The following PTPRB variants were observed in gnomAD, a reference collection of about 807,000 sequenced individuals.
The protein encoded by PTPRB is protein tyrosine phosphatase receptor type B.
PTPRB carries 97 observed loss-of-function variants against 238.1 expected under a neutral mutation model. The observed-to-expected ratio is 0.41, with a 90% CI of 0.35 to 0.48. PTPRB has a LOEUF of 0.48. Among genes scored for constraint, PTPRB ranks in the 20% least tolerant of loss-of-function variants. The pLI is 0.30. For synonymous variants in PTPRB, 970 were observed against 995.4 expected, an observed-to-expected ratio of 0.97 and a Z score of 0.48; for missense variants, 2,292 against 2,681.9, an observed-to-expected ratio of 0.85 and a Z score of 3.21.
rs1232649589 is a variant in PTPRB at position 70,562,901 on chromosome 12, C to T, written c.4111G>A (p.Val1371Met). The T allele has an allele frequency of 6.2e-7, 1 of 1,614,010 alleles. No individual in the cohort carries two copies. Among genetic ancestry groups the T allele is most frequent in the Admixed American group, 1.7e-5 (1 of 60,018 alleles). The change falls in exon 16 of 34, where the codon GTG becomes ATG. Residue 1371 changes from valine (V) to methionine (M), a missense_variant. This residue lies in a region of PTPRB where 683 missense variants were observed against 862.0 expected (regional missense o/e 0.79). Transcript: ENST00000334414. Reference sequence around the variant, plus strand: ...AGCTCCCCACTGTGAGTTACAATCACCATCTTGTACATTCTGCCTTGTAGC... The same window carrying T: ...AGCTCCCCACTGTGAGTTACAATCATCATCTTGTACATTCTGCCTTGTAGC... ...NLLQGRMYKMVIVTHSGELSN... is the reference protein window; with the variant it reads ...NLLQGRMYKMMIVTHSGELSN...
Position 70,515,925 on chromosome 12 carries a change from A to G in PTPRB, c.*5564T>C, listed in dbSNP as rs1229502742. The G allele has an allele frequency of 1.2e-5, 1 of 86,696 alleles. No homozygotes were observed. The highest frequency in any genetic ancestry group is 2.2e-5 in the Non-Finnish European group (1 of 45,392). 5.4% of individuals were successfully genotyped at this position (86,696 alleles called of 1,614,324 possible). On this transcript the variant is annotated 3_prime_UTR_variant, in exon 34 of 34. Coordinates refer to ENST00000334414, the MANE Select transcript of PTPRB (RefSeq NM_001109754.4). ...AGTGAGAATGTATGCAAGATGCTAT[A>G]TAGATTTTTTTTTTACCACAGTTAC...
At position 70,596,236 on chromosome 12, in the gene PTPRB, G is replaced by A; in HGVS notation, c.1071C>T (p.Val357=). The A allele has an allele frequency of 1.2e-6, 2 of 1,613,350 alleles. No individual in the cohort carries two copies. Residue 357 remains valine (V), a synonymous_variant, in exon 5 of 34, where the codon GTC becomes GTT. Coordinates refer to ENST00000334414, the MANE Select transcript of PTPRB (RefSeq NM_001109754.4). The stretch of plus-strand genomic sequence containing the variant: ...CAAATAATTGCACCTCATATGAGGT[G>A]ACTTTTCCGGAAGAAGGAGTCCACC... ...HVWWTPSSGK[V]TSYEVQLFDE...
At chr12:70,570,439 T>C (rs561561194) in intron 13 of PTPRB, among the ~76,000 whole-genome samples, 1 of 152,232 alleles carries the variant, frequency 6.6e-6, no homozygotes, top group South Asian at 2.1e-4. Flanking sequence ...CTATACCTCC[T>C]GGGCTCAAGT....
chr12:70,607,749 T>G (rs1884080221), intron 4 of PTPRB, among the ~76,000 whole-genome samples: 1 of 151,894 alleles, frequency 6.6e-6, no homozygotes, highest in African/African-American at 2.4e-5. Context: ...GACGAGGTTT[T>G]GCCATGTTGA....
At chr12:70,545,934 C>G (rs541712840) in intron 21 of PTPRB, among the ~76,000 whole-genome samples, 1 of 152,108 alleles carries the variant, frequency 6.6e-6, no homozygotes, top group Non-Finnish European at 1.5e-5. Context: ...GTCAGGAGTT[C>G]GAGATCAGCC....
chr12:70,547,269 CT>C (rs1460718928), intron 21 of PTPRB, among the ~76,000 whole-genome samples: 9 of 152,094 alleles, frequency 5.9e-5, no homozygotes, highest in African/African-American at 2.2e-4. Flanking sequence ...GAATAACAGC[CT>C]GTTAATGGAA....
At chr12:70,571,422 C>A in intron 12 of PTPRB, 133 bp from the exon 13 acceptor site, 2 of 891,888 alleles carry the variant, frequency 2.2e-6, no homozygotes, top group Middle Eastern at 2.3e-4. Context: ...CTACTTCATG[C>A]ATAATTAAAC....
At chr12:70,554,538 A>G (rs1484447547) in intron 20 of PTPRB, among the ~76,000 whole-genome samples, 1 of 152,256 alleles carries the variant, frequency 6.6e-6, no homozygotes, top group Non-Finnish European at 1.5e-5. Flanking sequence ...TGTGATAACT[A>G]TTCCCTAGAC....
intron 22 of PTPRB, among the ~76,000 whole-genome samples, chr12:70,543,387 C>T (rs1875474635): frequency 6.6e-6 from 1 of 152,178 alleles, no homozygotes; most frequent in African/African-American, 2.4e-5. Context: ...TATACGTTTA[C>T]TGTCTTCCTG....
intron 2 of PTPRB, among the ~76,000 whole-genome samples, chr12:70,626,439 G>T (rs1394707769): frequency 1.4e-5 from 2 of 147,322 alleles, no homozygotes; most frequent in Non-Finnish European, 3.0e-5. Flanking sequence ...TATCTAGTTG[G>T]CTCTTTGTAT....
At chr12:70,619,917 T>C (rs1288691580) in intron 3 of PTPRB, among the ~76,000 whole-genome samples, 1 of 152,198 alleles carries the variant, frequency 6.6e-6, no homozygotes, top group Non-Finnish European at 1.5e-5. Context: ...CATTTTTACT[T>C]TTCAAAGTAT....
At position 70,571,894 on chromosome 12, in the gene PTPRB, C is replaced by T. The variant is rs1388290496; in HGVS notation, c.3036G>A (p.Arg1012=). 1.9e-6 allele frequency: 3 copies of T among 1,613,716 alleles called. No homozygotes were observed. The highest frequency in any genetic ancestry group is 2.7e-5 in the African/African-American group (2 of 74,938). Residue 1012 remains arginine, a synonymous_variant, in exon 12 of 34, where the codon CGG becomes CGA. Coordinates refer to ENST00000334414, the MANE Select transcript of PTPRB (RefSeq NM_001109754.4). ...ECVFVQLVPG[R]LYSVTVTTKS... ...TTGTAGTAACAGTGACACTGTACAA[C>T]CGTCCAGGGACTAGCTGAACAAATA...
intron 18 of PTPRB, among the ~76,000 whole-genome samples, chr12:70,558,451 G>C (rs957972506): frequency 6.6e-6 from 1 of 152,112 alleles, no homozygotes; most frequent in African/African-American, 2.4e-5. Flanking sequence ...ATAACTATCT[G>C]ATCTGATCCC....
intron 23 of PTPRB, 177 bp downstream of exon 23, chr12:70,540,679 AAG>A (rs1874932070): frequency 6.8e-6 from 4 of 588,188 alleles, no homozygotes; most frequent in Admixed American, 3.0e-5. Context: ...TGGGATATAA[AAG>A]AGCTGAGAAA....
At chr12:70,539,529 CTG>C in intron 26 of PTPRB, 94 bp downstream of exon 26, 2 of 995,672 alleles carry the variant, frequency 2.0e-6, no homozygotes, top group Middle Eastern at 3.1e-4. Context: ...CTCCTAACTT[CTG>C]AGCTCAATCA....
chr12:70,571,427 T>C (rs1565959494), intron 12 of PTPRB, 138 bp from the exon 13 acceptor site: 1 of 882,232 alleles, frequency 1.1e-6, no homozygotes, highest in South Asian at 1.9e-5. Context: ...TCATGCATAA[T>C]TAAACAAGAA....
intron 9 of PTPRB, chr12:70,584,958 A>G (rs1026087472): frequency 1.4e-5 from 2 of 144,874 alleles, no homozygotes; most frequent in Non-Finnish European, 3.0e-5. Flanking sequence ...GAAAAAAGAA[A>G]TTTCTTTTTT....
Position 70,578,565 on chromosome 12 carries a change from TC to T in PTPRB, c.2579-1921del, listed in dbSNP as rs370785278. Among the ~76,000 whole-genome samples, 171 of 152,180 alleles carry T rather than the reference TC, an allele frequency of 1.1e-3. 1 individual carries two copies. The highest frequency in any genetic ancestry group is 3.9e-3 in the African/African-American group (162 of 41,556). On this transcript the variant is annotated intron_variant, in intron 10 of 33. Transcript: ENST00000334414. ...CTTCAAATAATTTCTTGTCCCTTTT[TC>T]CCTTTTTTGAATGCTTCTATTATAT...
At chr12:70,610,204 C>CACA (rs1884352049) in intron 3 of PTPRB, among the ~76,000 whole-genome samples, 2 of 152,192 alleles carry the variant, frequency 1.3e-5, no homozygotes, top group Non-Finnish European at 2.9e-5. Context: ...TGCCAAGGGG[C>CACA]CCGATGTGGG....
Sources: gnomAD v4.1 joint callset for allele counts (sites outside exome capture counted in the v4.1 genomes callset) on GRCh38, gnomAD v4.1.1 for gene constraint, gnomAD v4.1.1 regional missense constraint, MANE v1.5 for transcripts, NCBI Gene and HGNC (gene_info 2026-07-23, HGNC 2026-07-21) for gene names.